The following EDC3 variants were observed in gnomAD, a reference collection of about 807,000 sequenced individuals.
The protein encoded by EDC3 is enhancer of mRNA-decapping protein 3.
EDC3 carries 20 observed loss-of-function variants against 41.8 expected under a neutral mutation model. The observed-to-expected ratio is 0.48, with a 90% CI of 0.34 to 0.70. The LOEUF (loss-of-function observed/expected upper bound fraction) is 0.70, where lower values mean the gene tolerates loss of function less well. EDC3 is among the 30% of genes least tolerant of loss of function. The pLI, the probability that EDC3 is intolerant of heterozygous loss-of-function variation, is 0.01. For missense variants in EDC3, 444 were observed against 636.8 expected, an observed-to-expected ratio of 0.70 and a Z score of 3.26; for synonymous variants, 206 against 243.2, an observed-to-expected ratio of 0.85 and a Z score of 1.42.
At chr15:74,690,764 T>G (rs989079785) in intron 1 of EDC3, among the ~76,000 whole-genome samples, 3 of 152,188 alleles carry the variant, frequency 2.0e-5, no homozygotes, top group East Asian at 1.9e-4. Context: ...CTGGACAACA[T>G]AGCAAGACTG....
At chr15:74,675,527 T>G (rs1037010734) in intron 1 of EDC3, among the ~76,000 whole-genome samples, 6 of 150,448 alleles carry the variant, frequency 4.0e-5, no homozygotes, top group Middle Eastern at 3.5e-3. Context: ...ATAATGCCAC[T>G]CTTGCTGATG....
intron 3 of EDC3, among the ~76,000 whole-genome samples, chr15:74,670,010 A>ATTTTTT (rs757043746): frequency 8.6e-6 from 1 of 116,362 alleles, no homozygotes; most frequent in Non-Finnish European, 1.8e-5. Context: ...CGCCCAGCTA[A>ATTTTTT]TTTTTTTTTT....
chr15:74,632,582 A>T lies in EDC3; in HGVS notation c.*30T>A, dbSNP rs1489851346. 1 of 1,601,504 alleles carries T rather than the reference A, an allele frequency of 6.2e-7. No individual in the cohort carries two copies. Among genetic ancestry groups the T allele is most frequent in the Non-Finnish European group, 8.5e-7 (1 of 1,171,324 alleles). ...CGTTTGTTATCAGGAGCAGCAGGGG[A>T]CAGCAGAGTCCTGCCTGCGCAGGAA... is the stretch of plus-strand genomic sequence containing the variant. On this transcript the variant is annotated 3_prime_UTR_variant, in exon 7 of 7. Coordinates refer to ENST00000315127, the MANE Select transcript of EDC3 (RefSeq NM_025083.5). The surrounding 1 kb of genome is among the most constrained non-coding windows in gnomAD (Gnocchi z 4.0).
intron 4 of EDC3, among the ~76,000 whole-genome samples, chr15:74,652,571 G>GA (rs2062494017): frequency 6.8e-6 from 1 of 147,902 alleles, no homozygotes; most frequent in African/African-American, 2.5e-5. Context: ...AAGGAGATGT[G>GA]ATGGGTAAGG....
intron 3 of EDC3, among the ~76,000 whole-genome samples, chr15:74,670,770 G>A (rs1357631980): frequency 6.6e-6 from 1 of 152,144 alleles, no homozygotes. Flanking sequence ...ATTTAATAAT[G>A]TGTTAGTATC....
At chr15:74,663,089 C>A (rs1312322186) in intron 3 of EDC3, among the ~76,000 whole-genome samples, 2 of 152,126 alleles carry the variant, frequency 1.3e-5, no homozygotes, top group Non-Finnish European at 2.9e-5. Flanking sequence ...GAGTTCGAGA[C>A]CAACCTGGCC....
rs148829112 is a variant in EDC3, at chr15:74,658,007, C to T, written c.485-1939G>A. 6.6e-4 allele frequency among the ~76,000 whole-genome samples: 100 copies of T among 152,230 alleles called. 1 individual carries two copies. The highest frequency in any genetic ancestry group is 2.3e-3 in the African/African-American group (97 of 41,544). ...GCCAGCCACACCCTGTCTCTGACACCTTATTTGGCTACTACACATCAGTCA... is the reference window on the plus strand; with the variant it reads ...GCCAGCCACACCCTGTCTCTGACACTTTATTTGGCTACTACACATCAGTCA... On this transcript the variant is annotated intron_variant, in intron 3 of 6. Transcript: ENST00000315127.
intron 3 of EDC3, among the ~76,000 whole-genome samples, chr15:74,662,250 A>G (rs2062628714): frequency 6.6e-6 from 1 of 152,128 alleles, no homozygotes; most frequent in East Asian, 1.9e-4. Flanking sequence ...CACTTATGCT[A>G]CATTACCTAC....
chr15:74,683,706 T>A (rs927727800), intron 1 of EDC3, among the ~76,000 whole-genome samples: 2 of 152,056 alleles, frequency 1.3e-5, no homozygotes, highest in Admixed American at 6.6e-5. Context: ...AATCTACAAC[T>A]ATCTCAGAAG....
chr15:74,632,462 G>C lies in EDC3; in HGVS notation c.*150C>G. The stretch of plus-strand genomic sequence containing the variant: ...CTTCCCTGGCTAAGAGCAAGTGACA[G>C]GTCAGTTTTAAGTAAGTTCTGTTCT... On this transcript the variant is annotated 3_prime_UTR_variant, in exon 7 of 7. Transcript: ENST00000315127. This position sits in a 1 kb window ranked among gnomAD's most constrained non-coding sequence, Gnocchi z 4.0. The C allele has an allele frequency of 1.1e-6, 1 of 943,846 alleles. No individual in the cohort carries two copies. Among genetic ancestry groups the C allele is most frequent in the Non-Finnish European group, 1.5e-6 (1 of 646,334 alleles). 58.5% of individuals were successfully genotyped at this position (943,846 alleles called of 1,614,324 possible). A position where few individuals can be genotyped will look rare whatever the true frequency, so the allele number is the denominator to read the frequency against.
chr15:74,682,556 T>G (rs1186784124), intron 1 of EDC3, among the ~76,000 whole-genome samples: 2 of 141,326 alleles, frequency 1.4e-5, no homozygotes, highest in Non-Finnish European at 3.0e-5. Context: ...AGGTGGAGCT[T>G]GCAGTGAGCC....
chr15:74,677,251 C>T (rs554370105), intron 1 of EDC3, among the ~76,000 whole-genome samples: 31 of 151,438 alleles, frequency 2.0e-4, no homozygotes, highest in African/African-American at 6.8e-4. Flanking sequence ...TTAGTAGAGA[C>T]GGGGTTTCAC....
At chr15:74,664,979 A>G (rs2062661020) in intron 3 of EDC3, among the ~76,000 whole-genome samples, 1 of 152,360 alleles carries the variant, frequency 6.6e-6, no homozygotes, top group Middle Eastern at 3.4e-3. Flanking sequence ...TGTCATGCCT[A>G]TAGGACCACC....
At chr15:74,664,006 T>C (rs1324679216) in intron 3 of EDC3, among the ~76,000 whole-genome samples, 2 of 152,220 alleles carry the variant, frequency 1.3e-5, no homozygotes, top group Non-Finnish European at 2.9e-5. Context: ...GGTGTTTTCC[T>C]GTACTCCTCT....
chr15:74,640,676 C>T (rs977087116), intron 4 of EDC3, 57 bp from the exon 5 acceptor site: 59 of 1,604,314 alleles, frequency 3.7e-5, no homozygotes, highest in African/African-American at 1.2e-4. Context: ...AAGTCCAAAC[C>T]GGGTATACTC....
At position 74,655,827 on chromosome 15, in the gene EDC3, A is replaced by G. The variant is rs1232822336; in HGVS notation, c.726T>C (p.Thr242=). 7 of 1,614,026 alleles carry G rather than the reference A, an allele frequency of 4.3e-6. No individual in the cohort carries two copies. The highest frequency in any genetic ancestry group is 5.9e-6 in the Non-Finnish European group (7 of 1,180,040). The change falls in exon 4 of 7, where the codon ACT becomes ACC. Residue 242 remains threonine (T), a synonymous_variant. Transcript: ENST00000315127. ...RSRGIPNERP[T]RYRHDENILE... ...AGATGTTCTCATCATGGCGGTACCG[A>G]GTGGGCCTTTCATTTGGGATGCCCC...
chr15:74,656,853 T>C (rs553939459), intron 3 of EDC3, among the ~76,000 whole-genome samples: 3 of 152,316 alleles, frequency 2.0e-5, no homozygotes, highest in Admixed American at 2.0e-4. Flanking sequence ...TTGGAGACTA[T>C]GGCTGGATGT....
chr15:74,672,750 G>C (rs968472491), intron 2 of EDC3, among the ~76,000 whole-genome samples: 2 of 152,048 alleles, frequency 1.3e-5, no homozygotes. Context: ...GGGAGGCAAA[G>C]GTTACAGTGA....
At chr15:74,691,738 G>C (rs1472647916) in intron 1 of EDC3, among the ~76,000 whole-genome samples, 1 of 152,114 alleles carries the variant, frequency 6.6e-6, no homozygotes, top group Non-Finnish European at 1.5e-5. Context: ...CCCTAAACCA[G>C]ATCTGGTCTG....
Sources: allele counts gnomAD v4.1 joint callset (sites outside exome capture counted in the v4.1 genomes callset), GRCh38; gene constraint gnomAD v4.1.1; non-coding constraint Gnocchi (gnomAD v3.1); transcripts MANE v1.5; gene names NCBI Gene and HGNC (gene_info 2026-07-23, HGNC 2026-07-21).